RFX2: variants seen among roughly 807,000 people sequenced by gnomAD.
The protein encoded by RFX2 is DNA-binding protein RFX2.
A neutral mutation model predicts 87.8 loss-of-function variants in RFX2; 20 were observed. The observed-to-expected ratio is 0.23, with a 90% CI of 0.16 to 0.33. The LOEUF (loss-of-function observed/expected upper bound fraction) is 0.33, where lower values mean the gene tolerates loss of function less well. RFX2 is among the 10% of genes least tolerant of loss of function. The pLI is 1.00. For synonymous variants in RFX2, 397 were observed against 431.3 expected (o/e 0.92, Z 0.98); for missense variants, 767 against 1,012.3 (o/e 0.76, Z 3.29).
chr19:6,088,168 A>G (rs958997883), intron 1 of RFX2, among the ~76,000 whole-genome samples: 1 of 151,810 alleles, frequency 6.6e-6, no homozygotes, highest in Non-Finnish European at 1.5e-5. Context: ...CAGGGCCTGA[A>G]AGACAAAGAA....
intron 1 of RFX2, chr19:6,072,980 T>C: frequency 3.2e-6 from 2 of 623,394 alleles, no homozygotes; most frequent in Non-Finnish European, 5.8e-6. Flanking sequence ...AAGGACCAGA[T>C]ATTTTTTTTT....
chr19:6,100,921 T>G (rs2088117266), intron 1 of RFX2, among the ~76,000 whole-genome samples: 1 of 148,022 alleles, frequency 6.8e-6, no homozygotes, highest in African/African-American at 2.6e-5. Flanking sequence ...AAGTAATTTT[T>G]ACTCACCCGC....
chr19:6,035,257 C>G (rs765564668), intron 5 of RFX2, among the ~76,000 whole-genome samples: 2 of 152,124 alleles, frequency 1.3e-5, no homozygotes, highest in Non-Finnish European at 2.9e-5. Context: ...GAGGGCTGCT[C>G]CCAGGGTGGA....
rs1459565138 is a variant in RFX2 at position 6,047,735 on chromosome 19, A to C, written c.-8-231T>G. Among the ~76,000 whole-genome samples, 1 of 152,176 alleles carries C rather than the reference A, an allele frequency of 6.6e-6. No homozygotes were observed. Among genetic ancestry groups the C allele is most frequent in the East Asian group, 1.9e-4 (1 of 5,200 alleles). On this transcript the variant is annotated intron_variant, in intron 1 of 17. Transcript: ENST00000303657. This position sits in a 1 kb window ranked among gnomAD's most constrained non-coding sequence, Gnocchi z 4.2. ...AAGTTTTCCAAATATAAAACCCAAA[A>C]AGGGCTCTGTCAGCGCACAATGGCA...
chr19:6,003,229 G>A (rs1319636426), intron 13 of RFX2, among the ~76,000 whole-genome samples: 2 of 152,076 alleles, frequency 1.3e-5, no homozygotes, highest in Admixed American at 1.3e-4. Flanking sequence ...TGTGGCCTGG[G>A]AATCTTATTT....
At chr19:6,076,455 T>C (rs1231988714) in intron 1 of RFX2, among the ~76,000 whole-genome samples, 3 of 152,142 alleles carry the variant, frequency 2.0e-5, no homozygotes, top group Non-Finnish European at 4.4e-5. Context: ...GGTGCCTGGG[T>C]CCGGTGCCTG....
intron 2 of RFX2, among the ~76,000 whole-genome samples, chr19:6,046,055 G>A (rs1047228138): frequency 2.6e-5 from 4 of 151,974 alleles, no homozygotes; most frequent in African/African-American, 4.8e-5. Flanking sequence ...ATTCCAGATC[G>A]AGGTGGTCAC....
chr19:6,086,304 C>T (rs1354333199), intron 1 of RFX2, among the ~76,000 whole-genome samples: 2 of 152,052 alleles, frequency 1.3e-5, no homozygotes, highest in Admixed American at 6.6e-5. Context: ...CATCATTGTG[C>T]GAATATCACA....
At chr19:6,051,243 G>A (rs1163857609) in intron 1 of RFX2, among the ~76,000 whole-genome samples, 2 of 151,842 alleles carry the variant, frequency 1.3e-5, no homozygotes, top group Non-Finnish European at 2.9e-5. Context: ...ATAAAAAACC[G>A]TATTTTTATA....
At position 6,002,976 on chromosome 19, in the gene RFX2, C is replaced by T; in HGVS notation, c.1501-106G>A. The stretch of plus-strand genomic sequence containing the variant: ...CAGGGACAACACAGGGAGGAGGGAG[C>T]AGGAAACAGCAACCTGGGCAGGGAA... On this transcript the variant is annotated intron_variant, in intron 13 of 17. Transcript: ENST00000303657. The surrounding 1 kb of genome is among the most constrained non-coding windows in gnomAD (Gnocchi z 6.7). 1.6e-6 allele frequency: 2 copies of T among 1,260,548 alleles called. No individual in the cohort carries two copies. Among genetic ancestry groups the T allele is most frequent in the Non-Finnish European group, 2.2e-6 (2 of 919,364 alleles). 78.1% of individuals were successfully genotyped at this position (1,260,548 alleles called of 1,614,324 possible).
At chr19:6,043,010 G>A (rs905406568) in intron 3 of RFX2, among the ~76,000 whole-genome samples, 1 of 152,184 alleles carries the variant, frequency 6.6e-6, no homozygotes, top group Non-Finnish European at 1.5e-5. Context: ...GGGCTGACCT[G>A]CCCCTCCTTG....
chr19:6,016,034 T>C lies in RFX2; in HGVS notation c.779+56A>G. ...GGAAGCCTCGCATTTTCCCAAAAGC[T>C]CCATTTCTTGGGAAAGGAAGAGGAA... On this transcript the variant is annotated intron_variant, in intron 7 of 17. Transcript: ENST00000303657. This position sits in a 1 kb window ranked among gnomAD's most constrained non-coding sequence, Gnocchi z 5.4. The C allele has an allele frequency of 6.7e-7, 1 of 1,496,902 alleles. No homozygotes were observed. The highest frequency in any genetic ancestry group is 2.1e-5 in the Admixed American group (1 of 46,756). 92.7% of individuals were successfully genotyped at this position (1,496,902 alleles called of 1,614,324 possible).
intron 1 of RFX2, among the ~76,000 whole-genome samples, chr19:6,059,940 G>T (rs1015532676): frequency 2.0e-5 from 3 of 151,142 alleles, no homozygotes; most frequent in Non-Finnish European, 2.9e-5. Flanking sequence ...CAAAAACAAC[G>T]ATTCTTGTAG....
At chr19:6,025,103 C>T (rs988679529) in intron 6 of RFX2, among the ~76,000 whole-genome samples, 1 of 152,190 alleles carries the variant, frequency 6.6e-6, no homozygotes, top group Non-Finnish European at 1.5e-5. Flanking sequence ...GATGGCCCGT[C>T]CCAGTGTTAA....
chr19:6,025,288 A>G (rs1213685415), intron 6 of RFX2, among the ~76,000 whole-genome samples: 1 of 152,150 alleles, frequency 6.6e-6, no homozygotes, highest in Non-Finnish European at 1.5e-5. Context: ...CAGAGCTGAG[A>G]TGCCCCCAAC....
At chr19:6,046,174 G>A (rs1020116216) in intron 2 of RFX2, among the ~76,000 whole-genome samples, 1 of 152,144 alleles carries the variant, frequency 6.6e-6, no homozygotes, top group Non-Finnish European at 1.5e-5. Flanking sequence ...TTCATTCCAC[G>A]GTAGAAATCC....
At chr19:6,031,939 A>G (rs891636273) in intron 5 of RFX2, among the ~76,000 whole-genome samples, 1 of 151,912 alleles carries the variant, frequency 6.6e-6, no homozygotes, top group Non-Finnish European at 1.5e-5. Flanking sequence ...AGAGGAGGTC[A>G]TTCCCCAAAA....
Position 6,061,067 on chromosome 19 carries a change from C to T in RFX2, c.-8-13563G>A, listed in dbSNP as rs1192722388. 6.6e-6 allele frequency among the ~76,000 whole-genome samples: 1 copy of T among 152,150 alleles called. No homozygotes were observed. Among genetic ancestry groups the T allele is most frequent in the Non-Finnish European group, 1.5e-5 (1 of 68,016 alleles). The stretch of plus-strand genomic sequence containing the variant: ...TCAAGGCACTGGGCATCTCCCTGCG[C>T]CCCGGGACACGTGTCGCTGGTGACT... On this transcript the variant is annotated intron_variant, in intron 1 of 17. Coordinates refer to ENST00000303657, the MANE Select transcript of RFX2 (RefSeq NM_000635.4). This position sits in a 1 kb window ranked among gnomAD's most constrained non-coding sequence, Gnocchi z 5.2.
chr19:6,026,299 G>A lies in RFX2; in HGVS notation c.523-62C>T. The A allele has an allele frequency of 7.4e-7, 1 of 1,354,606 alleles. No individual in the cohort carries two copies. Among genetic ancestry groups the A allele is most frequent in the Non-Finnish European group, 1.0e-6 (1 of 956,436 alleles). The allele number at this position is 1,354,606 out of a possible 1,614,324, so 83.9% of individuals were successfully genotyped here. ...ATGGAAAAAAAAAAAAAGGAAATCA[G>A]ATGGTTAGCATCAGCCAAGATTTGT... On this transcript the variant is annotated intron_variant, in intron 5 of 17. Transcript: ENST00000303657. The surrounding 1 kb of genome is among the most constrained non-coding windows in gnomAD (Gnocchi z 4.5).
Sources: gnomAD v4.1 joint callset for allele counts (sites outside exome capture counted in the v4.1 genomes callset) on GRCh38, gnomAD v4.1.1 for gene constraint, Gnocchi (gnomAD v3.1) non-coding constraint, MANE v1.5 for transcripts, NCBI Gene and HGNC (gene_info 2026-07-23, HGNC 2026-07-21) for gene names.